Variants in IQANK1 observed in about 807,000 individuals in gnomAD.
IQANK1 encodes the protein IQ motif and ankyrin repeat domain-containing protein 1.
A neutral mutation model predicts 22.6 loss-of-function variants in IQANK1; 30 were observed. The ratio of observed to expected loss-of-function variants is 1.33; its 90% confidence interval spans 0.99 to 1.80. IQANK1 has a LOEUF of 1.80. IQANK1 is among the 40% of genes most tolerant of loss of function. The pLI is 0.00. For missense variants in IQANK1, 275 were observed against 235.2 expected (o/e 1.17, Z -1.11); for synonymous variants, 122 against 99.6 (o/e 1.23, Z -1.34).
intron 7 of IQANK1, among the ~76,000 whole-genome samples, chr8:143,782,670 T>C (rs1314879748): frequency 6.6e-6 from 1 of 151,896 alleles, no homozygotes; most frequent in Non-Finnish European, 1.5e-5. Flanking sequence ...AGAGACAGGG[T>C]TTCTTCATGT....
chr8:143,750,966 G>T (rs552795251), intron 3 of IQANK1, among the ~76,000 whole-genome samples: 33 of 150,692 alleles, frequency 2.2e-4, no homozygotes, highest in African/African-American at 7.3e-4. Context: ...GTGTGTGTGT[G>T]TTTTTTTGTA....
intron 3 of IQANK1, among the ~76,000 whole-genome samples, chr8:143,769,640 G>A (rs1819537613): frequency 6.6e-6 from 1 of 152,178 alleles, no homozygotes; most frequent in South Asian, 2.1e-4. Flanking sequence ...GTCCTCTGCT[G>A]AGCAGCTGAC....
At chr8:143,754,307 C>A (rs1231327551) in intron 3 of IQANK1, among the ~76,000 whole-genome samples, 1 of 152,152 alleles carries the variant, frequency 6.6e-6, no homozygotes, top group African/African-American at 2.4e-5. Context: ...TATCATTCGG[C>A]CGTATCCGTG....
intron 7 of IQANK1, among the ~76,000 whole-genome samples, chr8:143,786,036 A>T (rs1819882054): frequency 6.6e-6 from 1 of 150,900 alleles, no homozygotes; most frequent in South Asian, 2.1e-4. Context: ...AATTTTTTTT[A>T]TTTGTTTGTA....
chr8:143,761,852 G>C (rs1329338770), intron 3 of IQANK1, among the ~76,000 whole-genome samples: 1 of 149,452 alleles, frequency 6.7e-6, no homozygotes, highest in Non-Finnish European at 1.5e-5. Context: ...GCAATAAAAA[G>C]CATAACATAT....
Position 143,790,020 on chromosome 8 carries a change from T to C in IQANK1, c.1245T>C (p.Asp415=), listed in dbSNP as rs1819994154. ...AGTGCCAGGTCACCGAGCTGCACGA[T>C]GTGCTGATGAAAGATGTAGGCAACC... ...GLKCQVTELH[D]VLMKDVGNRI... is the part of the protein sequence containing the mutation. The change falls in exon 12 of 14, where the codon GAT becomes GAC. Residue 415 remains aspartate, a synonymous_variant. Transcript: ENST00000527139. The C allele has an allele frequency of 2.4e-6, 3 of 1,232,032 alleles. No individual in the cohort carries two copies. Among genetic ancestry groups the C allele is most frequent in the Non-Finnish European group, 2.0e-6 (2 of 988,000 alleles). 76.3% of individuals were successfully genotyped at this position (1,232,032 alleles called of 1,614,324 possible). A position where few individuals can be genotyped will look rare whatever the true frequency, so the allele number is the denominator to read the frequency against.
chr8:143,760,723 GCCAA>G (rs1402282735), intron 3 of IQANK1, among the ~76,000 whole-genome samples: 2 of 152,166 alleles, frequency 1.3e-5, no homozygotes, highest in Non-Finnish European at 2.9e-5. Context: ...ATGAAGAATG[GCCAA>G]ACAGCTATTA....
At chr8:143,787,632 C>T (rs1819916927) in intron 7 of IQANK1, among the ~76,000 whole-genome samples, 1 of 152,194 alleles carries the variant, frequency 6.6e-6, no homozygotes, top group African/African-American at 2.4e-5. Context: ...GGCCAGTCTC[C>T]TGGAAGAGCT....
chr8:143,773,316 AC>A lies in IQANK1; in HGVS notation c.789+835del, dbSNP rs201027780. ...AGTGAGACTCAAAAAAAAAAAAAAA[AC>A]AAAAAAAACACAAAAAAAACAGAGT... On this transcript the variant is annotated intron_variant, in intron 7 of 13. Transcript: ENST00000527139. Among the ~76,000 whole-genome samples, 245 of 139,208 alleles carry A rather than the reference AC, an allele frequency of 1.8e-3. 2 individuals are homozygous for A. The highest frequency in any genetic ancestry group is 7.6e-3 in the African/African-American group (233 of 30,692). The allele number at this position is 139,208 out of a possible 152,430, so 91.3% of individuals were successfully genotyped here.
chr8:143,754,775 A>G (rs1184357057), intron 3 of IQANK1, among the ~76,000 whole-genome samples: 3 of 151,960 alleles, frequency 2.0e-5, no homozygotes, highest in African/African-American at 7.3e-5. Context: ...ACAGGTGCCA[A>G]CCACCACGCC....
chr8:143,775,661 C>A (rs947795530), intron 7 of IQANK1, among the ~76,000 whole-genome samples: 1 of 151,982 alleles, frequency 6.6e-6, no homozygotes, highest in South Asian at 2.1e-4. Context: ...ACTTAGGAGG[C>A]TGAGAGAGGA....
At chr8:143,757,659 A>T (rs1454516141) in intron 3 of IQANK1, among the ~76,000 whole-genome samples, 2 of 146,788 alleles carry the variant, frequency 1.4e-5, no homozygotes, top group Admixed American at 6.8e-5. Context: ...TCATCTTAAA[A>T]TTTTTTTTTT....
At position 143,754,727 on chromosome 8, in the gene IQANK1, G is replaced by A. The variant is rs527727876; in HGVS notation, c.175+14779G>A. ...TGCAAGCTCCGCCTTCTGGGTTCACGACATTCTCCTGCCTCAGCCTCCTGA... is the reference window on the plus strand; with the variant it reads ...TGCAAGCTCCGCCTTCTGGGTTCACAACATTCTCCTGCCTCAGCCTCCTGA... On this transcript the variant is annotated intron_variant, in intron 3 of 13. Transcript: ENST00000527139. 1.3e-4 allele frequency among the ~76,000 whole-genome samples: 20 copies of A among 152,190 alleles called. No individual in the cohort carries two copies. The East Asian group carries it at 3.3e-3, about 25-fold the overall frequency.
chr8:143,787,869 G>T (rs946246872), intron 7 of IQANK1, among the ~76,000 whole-genome samples: 1 of 151,772 alleles, frequency 6.6e-6, no homozygotes, highest in Non-Finnish European at 1.5e-5. Context: ...TCCATGGCCC[G>T]TGCCTGTCCA....
At position 143,789,761 on chromosome 8, in the gene IQANK1, G is replaced by A. The variant is rs962589205; in HGVS notation, c.1087G>A (p.Ala363Thr). 1.1e-5 allele frequency: 14 copies of A among 1,231,958 alleles called. No homozygotes were observed. Among genetic ancestry groups the A allele is most frequent in the South Asian group, 4.1e-5 (1 of 24,328 alleles). The allele number at this position is 1,231,958 out of a possible 1,614,324, so 76.3% of individuals were successfully genotyped here. ...CMDKTKLTLQ[A>T]IKDTEAQVDR... Reference sequence around the variant, plus strand: ...AAGTCAGTGTGGCCTCCTCCTCCAGGCCATCAAGGACACAGAGGCCCAGGT... The same window carrying A: ...AAGTCAGTGTGGCCTCCTCCTCCAGACCATCAAGGACACAGAGGCCCAGGT... The change falls in exon 11 of 14, where the codon GCC becomes ACC. Residue 363 changes from alanine (A) to threonine (T), a missense_variant and splice_region_variant. Coordinates refer to ENST00000527139, the MANE Select transcript of IQANK1 (RefSeq NM_001381874.1).
intron 8 of IQANK1, 40 bp downstream of exon 8, chr8:143,789,103 A>G (rs1235068260): frequency 1.0e-5 from 4 of 401,498 alleles, no homozygotes; most frequent in South Asian, 1.2e-4. Context: ...GGGTGCTGGC[A>G]AGGGGCGCTG....
chr8:143,734,987 A>C (rs1818691592), intron 1 of IQANK1, among the ~76,000 whole-genome samples: 1 of 148,874 alleles, frequency 6.7e-6, no homozygotes, highest in African/African-American at 2.5e-5. Flanking sequence ...CGCCCCTGCC[A>C]CTCCCACCCC....
intron 7 of IQANK1, among the ~76,000 whole-genome samples, chr8:143,776,340 AAAAAAG>A (rs1327892521): frequency 7.4e-4 from 110 of 147,924 alleles, no homozygotes; most frequent in African/African-American, 2.8e-3. Context: ...AAAAAAAAAA[AAAAAAG>A]AAAAAGAAAA....
chr8:143,772,667 G>C (rs1340971640), intron 7 of IQANK1, among the ~76,000 whole-genome samples, 185 bp downstream of exon 7: 1 of 152,206 alleles, frequency 6.6e-6, no homozygotes, highest in Non-Finnish European at 1.5e-5. Flanking sequence ...TGGCCTGCTA[G>C]AGCGGTTTCC....
Sources: gnomAD v4.1 joint callset for allele counts (sites outside exome capture counted in the v4.1 genomes callset) on GRCh38, gnomAD v4.1.1 for gene constraint, MANE v1.5 for transcripts, NCBI Gene and HGNC (gene_info 2026-07-23, HGNC 2026-07-21) for gene names.